TAF13: variants seen among roughly 807,000 people sequenced by gnomAD.
The protein encoded by TAF13 is transcription initiation factor TFIID subunit 13.
TAF13 carries 9 observed loss-of-function variants against 18.7 expected under a neutral mutation model. That is an observed-to-expected ratio of 0.48 (90% CI 0.29 to 0.84). TAF13 has a LOEUF of 0.84. Ranked by LOEUF, TAF13 falls within the 40% of genes least tolerant of loss-of-function variation. TAF13 has a pLI of 0.08. For synonymous variants in TAF13, 49 were observed against 44.1 expected, an observed-to-expected ratio of 1.11 and a Z score of -0.44; for missense variants, 105 against 146.5, an observed-to-expected ratio of 0.72 and a Z score of 1.46.
chr1:109,074,649 C>T (rs374109913), intron 2 of TAF13, among the ~76,000 whole-genome samples: 6 of 151,830 alleles, frequency 4.0e-5, no homozygotes, highest in East Asian at 1.9e-4. Flanking sequence ...GCGTGGTGGC[C>T]GGCGCCAGTA....
At chr1:109,071,181 C>T (rs781400158) in intron 2 of TAF13, among the ~76,000 whole-genome samples, 4 of 151,954 alleles carry the variant, frequency 2.6e-5, no homozygotes, top group East Asian at 1.9e-4. Context: ...TGGCTCACGC[C>T]TGTAATTCCA....
At chr1:109,075,828 T>A (rs1044341782) in intron 1 of TAF13, 93 bp downstream of exon 1, 16 of 1,555,068 alleles carry the variant, frequency 1.0e-5, no homozygotes, top group Non-Finnish European at 1.4e-5. Context: ...CTGAATTCAC[T>A]AAGGCAAGCA....
Position 109,064,473 on chromosome 1 carries a change from T to C in TAF13, c.*50A>G, listed in dbSNP as rs1663917666. ...AATCTTACTTTAGAAAATATACAAT[T>C]ATTATATATGGTTTCCCCAGATGGT... On this transcript the variant is annotated 3_prime_UTR_variant, in exon 4 of 4. Transcript: ENST00000338366. 1 of 1,308,698 alleles carries C rather than the reference T, an allele frequency of 7.6e-7. No individual in the cohort carries two copies. The highest frequency in any genetic ancestry group is 3.0e-5 in the Admixed American group (1 of 33,422). 81.1% of individuals were successfully genotyped at this position (1,308,698 alleles called of 1,614,324 possible). A position where few individuals can be genotyped will look rare whatever the true frequency, so the allele number is the denominator to read the frequency against.
Position 109,066,241 on chromosome 1 carries a change from G to C in TAF13, c.107-9C>G, listed in dbSNP as rs1308999794. On this transcript the variant is annotated splice_polypyrimidine_tract_variant and intron_variant, in intron 2 of 3. Coordinates refer to ENST00000338366, the MANE Select transcript of TAF13 (RefSeq NM_005645.4). The stretch of plus-strand genomic sequence containing the variant: ...ATACATCATACATCGCACTGTAAAA[G>C]AACAATCACTTACTTTTGTTTACTT... 3 of 1,573,656 alleles carry C rather than the reference G, an allele frequency of 1.9e-6. No individual in the cohort carries two copies. The highest frequency in any genetic ancestry group is 2.0e-5 in the Admixed American group (1 of 50,590).
intron 2 of TAF13, among the ~76,000 whole-genome samples, chr1:109,067,166 G>A (rs775991094): frequency 6.6e-6 from 1 of 152,058 alleles, no homozygotes; most frequent in Non-Finnish European, 1.5e-5. Context: ...AAATGCAAAG[G>A]ATAAGTCTAG....
intron 2 of TAF13, among the ~76,000 whole-genome samples, chr1:109,068,577 G>A (rs775603418): frequency 8.6e-5 from 13 of 152,044 alleles, no homozygotes; most frequent in Non-Finnish European, 1.9e-4. Flanking sequence ...TGAACTCCTG[G>A]ACTCAAGTAA....
intron 2 of TAF13, among the ~76,000 whole-genome samples, chr1:109,071,598 G>A (rs1664053530): frequency 6.6e-6 from 1 of 151,830 alleles, no homozygotes; most frequent in African/African-American, 2.4e-5. Flanking sequence ...TGACAGAAGA[G>A]TGAGACCCTG....
Position 109,066,608 on chromosome 1 carries a change from G to A in TAF13, c.107-376C>T, listed in dbSNP as rs536367798. On this transcript the variant is annotated intron_variant, in intron 2 of 3. Transcript: ENST00000338366. ...TTAGCCTTTTTTGGAGGTGGTTTTT[G>A]TGTGTGGGCATGGCAGTGGGGCGTT... is the stretch of plus-strand genomic sequence containing the variant. Among the ~76,000 whole-genome samples, 9 of 152,330 alleles carry A rather than the reference G, an allele frequency of 5.9e-5. No individual in the cohort carries two copies. The South Asian group carries it at 1.9e-3, about 32-fold the overall frequency.
chr1:109,075,559 G>A (rs1664165068), intron 1 of TAF13, among the ~76,000 whole-genome samples: 1 of 152,152 alleles, frequency 6.6e-6, no homozygotes, highest in Admixed American at 6.6e-5. Flanking sequence ...TTGAAATCCA[G>A]GCTGTCTGAC....
At chr1:109,066,335 G>T in intron 2 of TAF13, 103 bp from the exon 3 acceptor site, 1 of 845,786 alleles carries the variant, frequency 1.2e-6, no homozygotes, top group South Asian at 1.8e-5. Context: ...GATAATATTG[G>T]TATGAAAACA....
chr1:109,067,564 T>C (rs1663971869), intron 2 of TAF13, among the ~76,000 whole-genome samples: 1 of 151,958 alleles, frequency 6.6e-6, no homozygotes, highest in Admixed American at 6.6e-5. Context: ...GAGCTGAGAA[T>C]GCGCCACTGC....
intron 2 of TAF13, among the ~76,000 whole-genome samples, chr1:109,070,287 C>T (rs2358957): frequency 9.2e-5 from 14 of 151,632 alleles, no homozygotes; most frequent in African/African-American, 3.2e-4. Context: ...GGTGTGATCT[C>T]GGCTCACTGC....
intron 2 of TAF13, among the ~76,000 whole-genome samples, chr1:109,071,612 CTAAGAAAATAAATAAAAAT>C (rs1664054077): frequency 6.6e-6 from 1 of 151,402 alleles, no homozygotes; most frequent in African/African-American, 2.4e-5. Context: ...GACCCTGTCT[CTAAGAAAATAAATAAAAAT>C]TAAGAAAATA....
At chr1:109,070,702 A>T (rs1277290764) in intron 2 of TAF13, among the ~76,000 whole-genome samples, 2 of 150,720 alleles carry the variant, frequency 1.3e-5, no homozygotes, top group Non-Finnish European at 3.0e-5. Context: ...TCCCCCCCAA[A>T]TTTTTTTTTT....
chr1:109,074,138 G>A (rs1475437655), intron 2 of TAF13, among the ~76,000 whole-genome samples: 4 of 152,336 alleles, frequency 2.6e-5, no homozygotes, highest in East Asian at 1.9e-4. Context: ...AATAGAAAAC[G>A]GGGAAATGTG....
chr1:109,067,798 A>G (rs764541797), intron 2 of TAF13, among the ~76,000 whole-genome samples: 2 of 152,194 alleles, frequency 1.3e-5, no homozygotes, highest in Non-Finnish European at 2.9e-5. Flanking sequence ...GGTAGAAACT[A>G]TTGATTATCC....
At chr1:109,066,785 T>C (rs1462270687) in intron 2 of TAF13, among the ~76,000 whole-genome samples, 3 of 152,268 alleles carry the variant, frequency 2.0e-5, no homozygotes, top group South Asian at 2.1e-4. Context: ...GGCACCATCT[T>C]GGCTCACTGC....
At chr1:109,075,855 C>G in intron 1 of TAF13, 66 bp downstream of exon 1, 1 of 1,607,292 alleles carries the variant, frequency 6.2e-7, no homozygotes. Context: ...ATCCTGAACT[C>G]TGCCTCCGCT....
chr1:109,075,125 A>C (rs1238521970), intron 1 of TAF13, 60 bp from the exon 2 acceptor site: 17 of 1,419,700 alleles, frequency 1.2e-5, no homozygotes, highest in Non-Finnish European at 1.5e-5. Context: ...TGATATTTTA[A>C]TAATGACATT....
Sources: allele counts gnomAD v4.1 joint callset (sites outside exome capture counted in the v4.1 genomes callset), GRCh38; gene constraint gnomAD v4.1.1; transcripts MANE v1.5; gene names NCBI Gene and HGNC (gene_info 2026-07-23, HGNC 2026-07-21).